The following PIRT variants were observed in gnomAD, a reference collection of about 807,000 sequenced individuals.
PIRT encodes the protein phosphoinositide-interacting protein.
Under a neutral mutation model 7.9 loss-of-function variants are expected in PIRT, and 6 were observed. The observed-to-expected ratio is 0.76, with a 90% confidence interval of 0.42 to 1.51. The LOEUF is 1.51. Among genes scored for constraint, PIRT ranks in the 40% most tolerant of loss-of-function variants. PIRT has a pLI of 0.01. For missense variants in PIRT, 170 were observed against 172.9 expected, an observed-to-expected ratio of 0.98 and a Z score of 0.09; for synonymous variants, 78 against 71.8, an observed-to-expected ratio of 1.09 and a Z score of -0.44.
rs1375613800 is a variant in PIRT, at chr17:10,825,797, A to G, written c.-138-14T>C. On this transcript the variant is annotated splice_polypyrimidine_tract_variant and intron_variant, in intron 1 of 1. Transcript: ENST00000580256. ...AAGGTTTTTGTGCTGAAGCCAAAAA[A>G]GAAAATGAAATGAAATTCACATAAA... 1.4e-6 allele frequency: 1 copy of G among 691,602 alleles called. No homozygotes were observed. The highest frequency in any genetic ancestry group is 1.9e-5 in the African/African-American group (1 of 53,776). The allele number at this position is 691,602 out of a possible 1,614,324, so 42.8% of individuals were successfully genotyped here.
chr17:10,836,272 C>T lies in PIRT; in HGVS notation c.-139+1673G>A, dbSNP rs1480933845. The stretch of plus-strand genomic sequence containing the variant: ...CTTTTTTTCTTCTTGTTTTCTTCAC[C>T]GCCTTCCTTGCATTCTACCACCCTA... On this transcript the variant is annotated intron_variant, in intron 1 of 1. Transcript: ENST00000580256. Among the ~76,000 whole-genome samples the T allele has an allele frequency of 6.6e-5, 10 of 152,194 alleles. No individual in the cohort carries two copies. In the South Asian group the frequency reaches 1.0e-3, roughly 16 times the overall value.
rs541630396 is a variant in PIRT, at chr17:10,823,261, C to G, written c.*1971G>C. 1 of 152,372 alleles carries G rather than the reference C, an allele frequency of 6.6e-6. No individual in the cohort carries two copies. The highest frequency in any genetic ancestry group is 6.5e-5 in the Admixed American group (1 of 15,308). The allele number at this position is 152,372 out of a possible 1,614,324, so 9.4% of individuals were successfully genotyped here. Reference sequence around the variant, plus strand: ...ACACTCCCAAGATTGGTCCTGACCACCTGTGTGCAGGGCTAGAGGTGAGCT... The same window carrying G: ...ACACTCCCAAGATTGGTCCTGACCAGCTGTGTGCAGGGCTAGAGGTGAGCT... On this transcript the variant is annotated 3_prime_UTR_variant, in exon 2 of 2. Coordinates refer to ENST00000580256, the MANE Select transcript of PIRT (RefSeq NM_001101387.2).
Position 10,822,598 on chromosome 17 carries a change from G to A in PIRT, c.*2634C>T, listed in dbSNP as rs1905230136. 1 of 152,228 alleles carries A rather than the reference G, an allele frequency of 6.6e-6. No individual in the cohort carries two copies. Among genetic ancestry groups the A allele is most frequent in the African/African-American group, 2.4e-5 (1 of 41,450 alleles). 9.4% of individuals were successfully genotyped at this position (152,228 alleles called of 1,614,324 possible). A position where few individuals can be genotyped will look rare whatever the true frequency, so the allele number is the denominator to read the frequency against. ...TAGTGAGCCTAAAACACGGAAGCTG[G>A]TTCTGTCCTTTGACCCACTGACGTG... On this transcript the variant is annotated 3_prime_UTR_variant, in exon 2 of 2. Transcript: ENST00000580256.
At chr17:10,837,033 G>A (rs1905607539) in intron 1 of PIRT, among the ~76,000 whole-genome samples, 1 of 152,186 alleles carries the variant, frequency 6.6e-6, no homozygotes, top group Non-Finnish European at 1.5e-5. Context: ...TGGGGGCCAA[G>A]TGTCTGGGCT....
At chr17:10,828,383 T>C (rs1905383063) in intron 1 of PIRT, among the ~76,000 whole-genome samples, 1 of 152,202 alleles carries the variant, frequency 6.6e-6, no homozygotes, top group Admixed American at 6.5e-5. Context: ...TTCTACCCTC[T>C]TTCCTGGCCA....
chr17:10,837,312 G>A (rs1000230573), intron 1 of PIRT, among the ~76,000 whole-genome samples: 1 of 152,236 alleles, frequency 6.6e-6, no homozygotes, highest in Admixed American at 6.5e-5. Flanking sequence ...ACAGTTGCCT[G>A]ACTGAGCCAC....
chr17:10,834,612 G>A (rs1905539194), intron 1 of PIRT, among the ~76,000 whole-genome samples: 1 of 152,040 alleles, frequency 6.6e-6, no homozygotes, highest in Admixed American at 6.5e-5. Flanking sequence ...CTTTTTTTGA[G>A]ACAGAGTTTT....
rs560872853 is a variant in PIRT at position 10,828,520 on chromosome 17, CA to C, written c.-138-2738del. The stretch of plus-strand genomic sequence containing the variant: ...GGATGTGGGAGATTTCTTTCCATAG[CA>C]AAAAAATTGTATTGGGGAAGGTGGG... On this transcript the variant is annotated intron_variant, in intron 1 of 1. Transcript: ENST00000580256. Among the ~76,000 whole-genome samples, 537 of 152,108 alleles carry C rather than the reference CA, an allele frequency of 3.5e-3. 3 individuals are homozygous for C. Among genetic ancestry groups the C allele is most frequent in the African/African-American group, 0.011 (474 of 41,484 alleles).
At position 10,825,442 on chromosome 17, in the gene PIRT, G is replaced by A. The variant is rs770638737; in HGVS notation, c.204C>T (p.Phe68=). 12 of 1,613,830 alleles carry A rather than the reference G, an allele frequency of 7.4e-6. No individual in the cohort carries two copies. The East Asian group carries it at 1.6e-4, about 21-fold the overall frequency. Residue 68 remains phenylalanine, a synonymous_variant, in exon 2 of 2, where the codon TTC becomes TTT. Coordinates refer to ENST00000580256, the MANE Select transcript of PIRT (RefSeq NM_001101387.2). ...IMSVGGAILL[F]GVVITCLAYT... is the part of the protein sequence containing the mutation. The stretch of plus-strand genomic sequence containing the variant: ...AGGCCAAGCAGGTGATGACCACGCC[G>A]AAAAGCAGGATGGCACCGCCCACTG...
chr17:10,837,534 C>T (rs1354393791), intron 1 of PIRT, among the ~76,000 whole-genome samples: 2 of 152,182 alleles, frequency 1.3e-5, no homozygotes, highest in African/African-American at 4.8e-5. Context: ...ACTCTGGGGT[C>T]TGGGGGTGGC....
intron 1 of PIRT, among the ~76,000 whole-genome samples, chr17:10,834,307 G>A (rs896253729): frequency 4.6e-5 from 7 of 152,154 alleles, no homozygotes; most frequent in African/African-American, 1.7e-4. Flanking sequence ...CTTCTGAAGC[G>A]CACAACAGCA....
In PIRT at chr17:10,825,316, C is replaced by A. The variant is rs1254696273; in HGVS notation, c.330G>T (p.Trp110Cys). Residue 110 changes from tryptophan (W) to cysteine (C), a missense_variant, in exon 2 of 2, where the codon TGG (tryptophan) becomes TGT (cysteine). Transcript: ENST00000580256. The part of the protein sequence containing the change: ...GLMMLVCGLV[W>C]VPIIKKKQKH... ...TCTGTTTCTTTTTGATGATGGGCAC[C>A]CACACCAGCCCGCACACCAGCATCA... 1.2e-6 allele frequency: 2 copies of A among 1,613,914 alleles called. No individual in the cohort carries two copies. Among genetic ancestry groups the A allele is most frequent in the South Asian group, 1.1e-5 (1 of 91,072 alleles).
chr17:10,823,546 G>A lies in PIRT; in HGVS notation c.*1686C>T, dbSNP rs1442764236. On this transcript the variant is annotated 3_prime_UTR_variant, in exon 2 of 2. Transcript: ENST00000580256. ...TGACTGGGAAGGCCACAAGGCTGAGGAGTGAAGAGAATTAGCTCAAGACAA... is the reference window on the plus strand; with the variant it reads ...TGACTGGGAAGGCCACAAGGCTGAGAAGTGAAGAGAATTAGCTCAAGACAA... 1.3e-5 allele frequency: 2 copies of A among 152,368 alleles called. No individual in the cohort carries two copies. The highest frequency in any genetic ancestry group is 1.3e-4 in the Admixed American group (2 of 15,284). The allele number at this position is 152,368 out of a possible 1,614,324, so 9.4% of individuals were successfully genotyped here.
chr17:10,837,874 A>G (rs1006062981), intron 1 of PIRT, 71 bp downstream of exon 1: 3 of 152,244 alleles, frequency 2.0e-5, no homozygotes, highest in African/African-American at 7.2e-5. Context: ...CTCCAAAGCA[A>G]AGTTAAAATC....
Position 10,824,784 on chromosome 17 carries a change from C to T in PIRT, c.*448G>A, listed in dbSNP as rs76375009. 7.1e-3 allele frequency: 1,196 copies of T among 169,118 alleles called. 17 individuals are homozygous for T. Among genetic ancestry groups the T allele is most frequent in the African/African-American group, 0.026 (1,099 of 42,020 alleles). The allele number at this position is 169,118 out of a possible 1,614,324, so 10.5% of individuals were successfully genotyped here. A position where few individuals can be genotyped will look rare whatever the true frequency, so the allele number is the denominator to read the frequency against. On this transcript the variant is annotated 3_prime_UTR_variant, in exon 2 of 2. Transcript: ENST00000580256. ...AATGGGTCAGAGCTCAGCCATCCCTCCCTCCTCTGTAAAGGACCTCCGTGG... is the reference window on the plus strand; with the variant it reads ...AATGGGTCAGAGCTCAGCCATCCCTTCCTCCTCTGTAAAGGACCTCCGTGG...
At chr17:10,833,268 T>G (rs1905504398) in intron 1 of PIRT, among the ~76,000 whole-genome samples, 1 of 152,040 alleles carries the variant, frequency 6.6e-6, no homozygotes, top group Non-Finnish European at 1.5e-5. Flanking sequence ...ACTATAAAGA[T>G]TTTTGGGGAA....
chr17:10,825,586 C>A lies in PIRT; in HGVS notation c.60G>T (p.Lys20Asn). 6.4e-7 allele frequency: 1 copy of A among 1,568,728 alleles called. No homozygotes were observed. The highest frequency in any genetic ancestry group is 8.6e-7 in the Non-Finnish European group (1 of 1,156,804). The change falls in exon 2 of 2, where the codon AAG becomes AAT. Residue 20 changes from lysine (K) to asparagine (N), a missense_variant. Transcript: ENST00000580256. ...LEVDEKSPEA[K>N]DLLPSQTASS... The stretch of plus-strand genomic sequence containing the variant: ...TGGCGGTCTGGCTGGGCAGCAGGTC[C>A]TTGGCTTCTGGAGACTTCTCATCGA...
chr17:10,825,842 G>C, intron 1 of PIRT, 59 bp from the exon 2 acceptor site: 2 of 453,062 alleles, frequency 4.4e-6, no homozygotes, highest in Middle Eastern at 6.0e-4. Flanking sequence ...ACCCAAGCTG[G>C]TATAATTTTT....
chr17:10,827,380 G>T (rs761250943), intron 1 of PIRT, among the ~76,000 whole-genome samples: 1 of 151,320 alleles, frequency 6.6e-6, no homozygotes, highest in African/African-American at 2.4e-5. Flanking sequence ...CTGCTTGCCC[G>T]CCAAATACTT....
Sources: allele counts gnomAD v4.1 joint callset (sites outside exome capture counted in the v4.1 genomes callset), GRCh38; gene constraint gnomAD v4.1.1; transcripts MANE v1.5; gene names NCBI Gene and HGNC (gene_info 2026-07-23, HGNC 2026-07-21).